CSMD1: variants seen among roughly 807,000 people sequenced by gnomAD.
CSMD1 encodes the protein CUB and Sushi multiple domains 1.
Under a neutral mutation model 417.5 loss-of-function variants are expected in CSMD1, and 213 were observed. The ratio of observed to expected loss-of-function variants is 0.51; its 90% confidence interval spans 0.46 to 0.57. The LOEUF (loss-of-function observed/expected upper bound fraction) is 0.57. Ranked by LOEUF, CSMD1 falls within the 20% of genes least tolerant of loss-of-function variation. CSMD1 has a pLI of 0.00. For missense variants in CSMD1, 6,923 were observed against 4,529.7 expected (o/e 1.53, Z -15.17); for synonymous variants, 2,862 against 1,736.8 (o/e 1.65, Z -16.11).
At chr8:3,515,010 C>T (rs1797228337) in intron 10 of CSMD1, among the ~76,000 whole-genome samples, 1 of 152,040 alleles carries the variant, frequency 6.6e-6, no homozygotes, top group South Asian at 2.1e-4. Flanking sequence ...AAATTAAAGC[C>T]TAACATTTAA....
At chr8:4,850,936 T>A (rs1241900967) in intron 1 of CSMD1, among the ~76,000 whole-genome samples, 2 of 130,386 alleles carry the variant, frequency 1.5e-5, no homozygotes, top group Admixed American at 1.9e-4. Flanking sequence ...TATTTTTTTA[T>A]CCTTGTTAAT....
chr8:4,595,255 C>T (rs989034893), intron 2 of CSMD1, among the ~76,000 whole-genome samples: 1 of 151,472 alleles, frequency 6.6e-6, no homozygotes, highest in African/African-American at 2.4e-5. Flanking sequence ...CTCTGTAATT[C>T]TGAGACAGGA....
At chr8:3,491,152 T>C (rs963432646) in intron 11 of CSMD1, among the ~76,000 whole-genome samples, 2 of 151,968 alleles carry the variant, frequency 1.3e-5, no homozygotes, top group Non-Finnish European at 2.9e-5. Flanking sequence ...AGAGCGTGAG[T>C]GTCAGATGCA....
At chr8:3,862,433 C>T (rs1009189451) in intron 5 of CSMD1, among the ~76,000 whole-genome samples, 1 of 152,134 alleles carries the variant, frequency 6.6e-6, no homozygotes, top group Non-Finnish European at 1.5e-5. Context: ...TTACATTCTC[C>T]TGGAATAAGT....
At chr8:3,064,371 C>G (rs1238444168) in intron 49 of CSMD1, among the ~76,000 whole-genome samples, 1 of 152,044 alleles carries the variant, frequency 6.6e-6, no homozygotes, top group African/African-American at 2.4e-5. Context: ...GCATTTCGCC[C>G]CTAGCTCTCT....
At chr8:4,142,872 A>G (rs1803874667) in intron 3 of CSMD1, among the ~76,000 whole-genome samples, 1 of 151,216 alleles carries the variant, frequency 6.6e-6, no homozygotes, top group South Asian at 2.1e-4. Context: ...ATCATTTGAT[A>G]ATATGATTAG....
At chr8:4,647,183 C>G (rs1803568399) in intron 1 of CSMD1, among the ~76,000 whole-genome samples, 1 of 151,348 alleles carries the variant, frequency 6.6e-6, no homozygotes, top group South Asian at 2.1e-4. Flanking sequence ...ACAAATAGGC[C>G]ACTGGGCCAT....
intron 1 of CSMD1, among the ~76,000 whole-genome samples, chr8:4,698,860 T>C (rs1216440499): frequency 6.6e-6 from 1 of 151,578 alleles, no homozygotes; most frequent in Non-Finnish European, 1.5e-5. Context: ...GTTACTTCAA[T>C]ACATTTTGGC....
chr8:3,908,759 A>C (rs1351859816), intron 5 of CSMD1, among the ~76,000 whole-genome samples: 1 of 152,206 alleles, frequency 6.6e-6, no homozygotes, highest in Non-Finnish European at 1.5e-5. Context: ...AAAGGCACCA[A>C]ACTGGCTTAC....
intron 3 of CSMD1, among the ~76,000 whole-genome samples, chr8:4,133,366 A>G (rs909517486): frequency 4.6e-5 from 7 of 152,250 alleles, no homozygotes; most frequent in African/African-American, 1.7e-4. Context: ...ACAAAGCTTA[A>G]TAAAGTGACA....
chr8:4,753,281 G>C (rs749358790), intron 1 of CSMD1, among the ~76,000 whole-genome samples: 1 of 151,356 alleles, frequency 6.6e-6, no homozygotes, highest in Non-Finnish European at 1.5e-5. Flanking sequence ...ATATTGTAGA[G>C]GATGATGAGG....
At chr8:4,768,055 G>A (rs112667875) in intron 1 of CSMD1, among the ~76,000 whole-genome samples, 1 of 152,200 alleles carries the variant, frequency 6.6e-6, no homozygotes, top group African/African-American at 2.4e-5. Context: ...TCTTTTTAAT[G>A]TCTTCAGCCC....
intron 12 of CSMD1, among the ~76,000 whole-genome samples, chr8:3,425,226 G>C (rs1046621020): frequency 6.6e-6 from 1 of 152,170 alleles, no homozygotes; most frequent in Non-Finnish European, 1.5e-5. Flanking sequence ...CATATGGCTT[G>C]GTTTCAGGCA....
intron 3 of CSMD1, among the ~76,000 whole-genome samples, chr8:4,321,490 C>G (rs1041377725): frequency 2.0e-5 from 3 of 152,062 alleles, no homozygotes; most frequent in African/African-American, 7.2e-5. Context: ...GCAAGTTAGA[C>G]AAACAAACCC....
At chr8:2,966,444 G>C (rs1803966252) in intron 58 of CSMD1, 126 bp downstream of exon 58, 1 of 849,422 alleles carries the variant, frequency 1.2e-6, no homozygotes, top group Non-Finnish European at 1.8e-6. Flanking sequence ...GTCACACATA[G>C]TTTTCCCTTT....
intron 5 of CSMD1, among the ~76,000 whole-genome samples, chr8:3,860,075 T>C (rs1332630657): frequency 6.6e-6 from 1 of 152,146 alleles, no homozygotes; most frequent in East Asian, 1.9e-4. Flanking sequence ...TGGTTAGTTG[T>C]GGATAATAGG....
At chr8:4,192,355 G>C (rs568524952) in intron 3 of CSMD1, among the ~76,000 whole-genome samples, 14 of 152,266 alleles carry the variant, frequency 9.2e-5, no homozygotes, top group East Asian at 5.8e-4. Flanking sequence ...AGCAGTTCTT[G>C]GATGTCTTAG....
chr8:4,057,274 T>C (rs1798744713), intron 3 of CSMD1, among the ~76,000 whole-genome samples: 1 of 152,240 alleles, frequency 6.6e-6, no homozygotes, highest in Non-Finnish European at 1.5e-5. Flanking sequence ...TGCATTTCTC[T>C]GATGGCCAGT....
At chr8:3,411,825 TGTATATATGCAC>T (rs1363464681) in intron 12 of CSMD1, among the ~76,000 whole-genome samples, 3 of 64,222 alleles carry the variant, frequency 4.7e-5, no homozygotes, top group Admixed American at 1.7e-4. Context: ...TACGTGTATA[TGTATATATGCAC>T]GTATATATGC....
Sources: gnomAD v4.1 joint callset for allele counts (sites outside exome capture counted in the v4.1 genomes callset) on GRCh38, gnomAD v4.1.1 for gene constraint, MANE v1.5 for transcripts, NCBI Gene and HGNC (gene_info 2026-07-23, HGNC 2026-07-21) for gene names.